UIMC1: variants seen among roughly 807,000 people sequenced by gnomAD.
UIMC1 encodes the protein BRCA1-A complex subunit RAP80.
In UIMC1, 42 loss-of-function variants were observed where a neutral mutation model predicts 84.9. The ratio of observed to expected loss-of-function variants is 0.49; its 90% CI spans 0.39 to 0.64. The LOEUF is 0.64. Ranked by LOEUF, UIMC1 falls within the 30% of genes least tolerant of loss-of-function variation. The probability of loss-of-function intolerance (pLI) is 0.00; values close to 1 mark genes in which losing one functional copy is unlikely to be tolerated. For synonymous variants in UIMC1, 281 were observed against 293.0 expected, an observed-to-expected ratio of 0.96 and a Z score of 0.42; for missense variants, 825 against 847.6, an observed-to-expected ratio of 0.97 and a Z score of 0.33.
Position 176,982,585 on chromosome 5 carries a change from CTTCT to C in UIMC1, c.27_30del (p.Glu10SerfsTer20). 1.2e-6 allele frequency: 2 copies of C among 1,613,916 alleles called. No individual in the cohort carries two copies. Among genetic ancestry groups the C allele is most frequent in the Non-Finnish European group, 1.7e-6 (2 of 1,179,974 alleles). On this transcript the variant is annotated frameshift_variant, in exon 2 of 15. Transcript: ENST00000511320. LOFTEE classifies it high-confidence loss of function. Reference sequence around the variant, plus strand: ...TTCTCCAGGTTCCGAGATTCGGAGACTTCTTTAACTTTTTTCTTTCTCCGTGGCA... The same window carrying C: ...TTCTCCAGGTTCCGAGATTCGGAGACTTAACTTTTTTCTTTCTCCGTGGCA...
intron 1 of UIMC1, among the ~76,000 whole-genome samples, chr5:176,998,539 G>A (rs1021464441): frequency 6.1e-5 from 9 of 148,648 alleles, no homozygotes; most frequent in South Asian, 2.1e-4. Context: ...AGGCCAAGGC[G>A]GGCGGATCAC....
chr5:177,009,344 T>A (rs1227965551), upstream of UIMC1, among the ~76,000 whole-genome samples: 2 of 151,694 alleles, frequency 1.3e-5, no homozygotes, highest in African/African-American at 4.8e-5. This position sits in a 1 kb window ranked among gnomAD's most constrained non-coding sequence, Gnocchi z 4.3. Flanking sequence ...GGTAATTTGT[T>A]ATATAAAAAC....
exon 1 of UIMC1, chr5:177,022,597 A>G: frequency 3.3e-6 from 3 of 906,500 alleles, no homozygotes; most frequent in Non-Finnish European, 1.6e-6. Context: ...GCAAAGCAAA[A>G]TAAGCGCGGG....
chr5:176,915,286 C>T (rs1760824719), intron 10 of UIMC1, among the ~76,000 whole-genome samples: 1 of 148,572 alleles, frequency 6.7e-6, no homozygotes. Flanking sequence ...GAGTCTAGGA[C>T]AGATTAAATG....
At chr5:176,949,863 T>C (rs981629074) in intron 9 of UIMC1, among the ~76,000 whole-genome samples, 41 of 152,204 alleles carry the variant, frequency 2.7e-4, no homozygotes, top group Admixed American at 2.6e-4. Flanking sequence ...GAGACCAGCC[T>C]GGCCATCAGG....
intron 1 of UIMC1, among the ~76,000 whole-genome samples, chr5:177,014,066 T>C (rs1775622587): frequency 6.7e-6 from 1 of 149,650 alleles, no homozygotes; most frequent in African/African-American, 2.5e-5. Context: ...TCTTTTTTTT[T>C]TTTTTTTTTT....
At chr5:176,938,939 C>T (rs941922482) in intron 10 of UIMC1, among the ~76,000 whole-genome samples, 6 of 151,718 alleles carry the variant, frequency 4.0e-5, no homozygotes, top group African/African-American at 1.2e-4. Context: ...CTTCATAAGG[C>T]CTAGCACCAT....
chr5:176,972,918 C>CT (rs56373708), intron 3 of UIMC1, among the ~76,000 whole-genome samples: 83 of 137,960 alleles, frequency 6.0e-4, no homozygotes, highest in Admixed American at 1.4e-3. Flanking sequence ...CTGGCAACTT[C>CT]TTTTTTTTTT....
intron 2 of UIMC1, among the ~76,000 whole-genome samples, chr5:176,976,770 G>A (rs1177972163): frequency 6.6e-6 from 1 of 152,258 alleles, no homozygotes; most frequent in Admixed American, 6.5e-5. Flanking sequence ...AGGGCTAGGG[G>A]TTTGGGGGAA....
At chr5:176,940,805 T>C (rs1764325738) in intron 10 of UIMC1, among the ~76,000 whole-genome samples, 1 of 152,244 alleles carries the variant, frequency 6.6e-6, no homozygotes, top group Admixed American at 6.5e-5. Context: ...CTTATGTATT[T>C]ACTATGTGCT....
In UIMC1 at chr5:176,963,828, C is replaced by T. The variant is rs145711677; in HGVS notation, c.1200+4727G>A. Among the ~76,000 whole-genome samples the T allele has an allele frequency of 2.1e-3, 315 of 151,190 alleles. 2 individuals are homozygous for T. The highest frequency in any genetic ancestry group is 7.2e-3 in the African/African-American group (293 of 40,672). ...ATCAAAGTCAGTTCTCACAACCCCACACAATCTGGTCATTTCTGATAAAAA... is the reference window on the plus strand; with the variant it reads ...ATCAAAGTCAGTTCTCACAACCCCATACAATCTGGTCATTTCTGATAAAAA... On this transcript the variant is annotated intron_variant, in intron 6 of 14. Transcript: ENST00000511320.
chr5:176,986,359 C>CAAAAAAAAAA lies in UIMC1; in HGVS notation c.-8-3746_-8-3737dup, dbSNP rs71583560. ...TGGGTGCCAGAGTAAGACTTCATCTCAAAAAAAAAAAAAAAAAAAAAAAAA... is the reference window on the plus strand; with the variant it reads ...TGGGTGCCAGAGTAAGACTTCATCTCAAAAAAAAAAAAAAAAAAAAAAAAAAAAAAAAAAA... On this transcript the variant is annotated intron_variant, in intron 1 of 14. Coordinates refer to ENST00000511320, the MANE Select transcript of UIMC1 (RefSeq NM_001199298.2). Among the ~76,000 whole-genome samples the CAAAAAAAAAA allele has an allele frequency of 6.1e-4, 17 of 28,016 alleles. 6 individuals carry two copies. Among genetic ancestry groups the CAAAAAAAAAA allele is most frequent in the Non-Finnish European group, 1.0e-3 (14 of 14,002 alleles). 18.4% of individuals were successfully genotyped at this position (28,016 alleles called of 152,430 possible).
chr5:176,981,432 C>A (rs946784481), intron 2 of UIMC1, among the ~76,000 whole-genome samples: 2 of 152,040 alleles, frequency 1.3e-5, no homozygotes, highest in African/African-American at 4.8e-5. Flanking sequence ...GTGTGAGCTG[C>A]CGTGCCCGGC....
chr5:176,937,016 ATC>A (rs1348159721), intron 10 of UIMC1, among the ~76,000 whole-genome samples: 1 of 152,190 alleles, frequency 6.6e-6, no homozygotes, highest in East Asian at 1.9e-4. Context: ...TGCTCACTGT[ATC>A]TGTTATATAG....
intron 8 of UIMC1, among the ~76,000 whole-genome samples, chr5:176,954,627 C>T (rs1766351936): frequency 6.6e-6 from 1 of 151,140 alleles, no homozygotes; most frequent in Non-Finnish European, 1.5e-5. Flanking sequence ...TGGCACATGC[C>T]TGTAGTCCTA....
rs1765389367 is a variant in UIMC1 at position 176,948,274 on chromosome 5, G to T, written c.1443+3200C>A. Among the ~76,000 whole-genome samples, 5 of 152,242 alleles carry T rather than the reference G, an allele frequency of 3.3e-5. No individual in the cohort carries two copies. The South Asian group carries it at 1.0e-3, about 32-fold the overall frequency. ...GGGACTACATACAGTTATGCCATGG[G>T]TACTTCCAAATACCTCAAATACTAT... On this transcript the variant is annotated intron_variant, in intron 9 of 14. Transcript: ENST00000511320.
chr5:176,956,240 T>C (rs913381493), intron 7 of UIMC1, among the ~76,000 whole-genome samples: 5 of 152,222 alleles, frequency 3.3e-5, no homozygotes, highest in African/African-American at 1.2e-4. Context: ...ACAACTTCAG[T>C]TCCAGTGAAA....
upstream of UIMC1, among the ~76,000 whole-genome samples, chr5:177,011,116 G>A (rs1009628400): frequency 6.0e-5 from 9 of 150,826 alleles, no homozygotes; most frequent in East Asian, 7.9e-4. Flanking sequence ...GCTTGAGCCC[G>A]GGAGGCAGAG....
At chr5:176,915,554 C>T (rs111384772) in intron 10 of UIMC1, among the ~76,000 whole-genome samples, 4,052 of 151,236 alleles carry the variant, frequency 0.027, 197 homozygotes, top group African/African-American at 0.093. Flanking sequence ...CTCCCAGGTT[C>T]AAGCAATTCT....
Sources: gnomAD v4.1 joint callset for allele counts (sites outside exome capture counted in the v4.1 genomes callset) on GRCh38, gnomAD v4.1.1 for gene constraint, Gnocchi (gnomAD v3.1) non-coding constraint, MANE v1.5 for transcripts, NCBI Gene and HGNC (gene_info 2026-07-23, HGNC 2026-07-21) for gene names.